CDYL2: variants seen among roughly 807,000 people sequenced by gnomAD.
CDYL2 encodes chromodomain Y like 2, also known as chromodomain Y-like protein 2.
In CDYL2, 23 loss-of-function variants were observed where a neutral mutation model predicts 49.4. That is an observed-to-expected ratio of 0.47 (90% CI 0.34 to 0.66). CDYL2 has a LOEUF of 0.66. CDYL2 is among the 30% of genes least tolerant of loss of function. The pLI is 0.01. For synonymous variants in CDYL2, 360 were observed against 268.8 expected (o/e 1.34, Z -3.32); for missense variants, 678 against 656.4 (o/e 1.03, Z -0.36).
chr16:80,797,568 T>C (rs1907803219), intron 1 of CDYL2, among the ~76,000 whole-genome samples: 1 of 152,178 alleles, frequency 6.6e-6, no homozygotes, highest in South Asian at 2.1e-4. Flanking sequence ...ACCTTTTTTT[T>C]TCCAGCATAC....
chr16:80,651,125 C>T (rs1484095279), intron 2 of CDYL2, among the ~76,000 whole-genome samples: 1 of 152,112 alleles, frequency 6.6e-6, no homozygotes, highest in African/African-American at 2.4e-5. Flanking sequence ...TTGTTTGTAA[C>T]ACAAGGAATA....
At chr16:80,625,781 T>C (rs1173072438) in intron 3 of CDYL2, among the ~76,000 whole-genome samples, 4 of 152,076 alleles carry the variant, frequency 2.6e-5, no homozygotes, top group Non-Finnish European at 4.4e-5. Context: ...AGAAATAAAT[T>C]CCAGAAGGTA....
chr16:80,691,697 G>C (rs1202013677), intron 1 of CDYL2, among the ~76,000 whole-genome samples: 1 of 152,184 alleles, frequency 6.6e-6, no homozygotes, highest in Non-Finnish European at 1.5e-5. Context: ...CACCAGTGAA[G>C]AGTACTACTG....
chr16:80,716,862 TATGGATGGATGGATGACTGG>T (rs1184523945), intron 1 of CDYL2, among the ~76,000 whole-genome samples: 1 of 149,364 alleles, frequency 6.7e-6, no homozygotes, highest in African/African-American at 2.5e-5. Flanking sequence ...GTAATGTATG[TATGGATGGATGGATGACTGG>T]ATGGATGGAT....
chr16:80,731,934 A>G (rs928961096), intron 1 of CDYL2, among the ~76,000 whole-genome samples: 2 of 150,154 alleles, frequency 1.3e-5, no homozygotes, highest in Admixed American at 6.6e-5. Flanking sequence ...AAGGCAAAAG[A>G]TCCCCAAGCT....
chr16:80,616,838 C>A (rs1478125661), intron 4 of CDYL2, among the ~76,000 whole-genome samples: 1 of 152,218 alleles, frequency 6.6e-6, no homozygotes, highest in Non-Finnish European at 1.5e-5. Flanking sequence ...TATTCTTTAT[C>A]CTAGCAACAC....
At chr16:80,638,066 T>C (rs1263672726) in intron 2 of CDYL2, among the ~76,000 whole-genome samples, 5 of 151,228 alleles carry the variant, frequency 3.3e-5, no homozygotes, top group Non-Finnish European at 7.4e-5. Flanking sequence ...TGTTAATGAA[T>C]TGAAAGACTC....
chr16:80,695,269 A>T (rs760204055), intron 1 of CDYL2, among the ~76,000 whole-genome samples: 4 of 152,274 alleles, frequency 2.6e-5, no homozygotes, highest in Admixed American at 1.3e-4. Flanking sequence ...ACTCTGGCCC[A>T]AGAAAAAGTT....
rs142903595 is a variant in CDYL2, at chr16:80,731,781, C to T, written c.25-46652G>A. On this transcript the variant is annotated intron_variant, in intron 1 of 6. Coordinates refer to ENST00000570137, the MANE Select transcript of CDYL2 (RefSeq NM_152342.4). ...CAGGATGAAGACATTTTCAGAAATG[C>T]GAAATCTCTAAAGGTTAACTTTCCA... Among the ~76,000 whole-genome samples the T allele has an allele frequency of 3.3e-5, 5 of 152,128 alleles. No homozygotes were observed. In the East Asian group the frequency reaches 7.7e-4, roughly 24 times the overall value.
At chr16:80,708,900 ATT>A (rs1470062855) in intron 1 of CDYL2, among the ~76,000 whole-genome samples, 1 of 152,202 alleles carries the variant, frequency 6.6e-6, no homozygotes, top group Non-Finnish European at 1.5e-5. Context: ...CATAGAAAAT[ATT>A]TAAAGATATA....
intron 1 of CDYL2, among the ~76,000 whole-genome samples, chr16:80,739,931 A>C (rs987972350): frequency 2.6e-5 from 4 of 152,186 alleles, no homozygotes; most frequent in Non-Finnish European, 2.9e-5. Context: ...CACAAAGCTG[A>C]GTCACGTACA....
chr16:80,613,718 G>A (rs1395713118), intron 4 of CDYL2, among the ~76,000 whole-genome samples: 2 of 152,164 alleles, frequency 1.3e-5, no homozygotes, highest in Admixed American at 6.5e-5. Flanking sequence ...TAGTTGCTAT[G>A]TATGATCTAT....
intron 1 of CDYL2, among the ~76,000 whole-genome samples, chr16:80,716,298 T>C (rs1432245335): frequency 6.6e-6 from 1 of 152,254 alleles, no homozygotes; most frequent in Non-Finnish European, 1.5e-5. Context: ...ACTTGATTAA[T>C]GTGTATCACA....
At position 80,604,374 on chromosome 16, in the gene CDYL2, T is replaced by C; in HGVS notation, c.*14A>G. ...GGCAGAGCTGGAAGTTGGGGGCCCG[T>C]GAGCTGGGGCCCCTCAGACTTCATA... On this transcript the variant is annotated 3_prime_UTR_variant, in exon 7 of 7. Transcript: ENST00000570137. 6.2e-7 allele frequency: 1 copy of C among 1,613,686 alleles called. No homozygotes were observed. Among genetic ancestry groups the C allele is most frequent in the Non-Finnish European group, 8.5e-7 (1 of 1,179,824 alleles).
chr16:80,610,119 G>A lies in CDYL2; in HGVS notation c.1219-1884C>T, dbSNP rs189015771. Among the ~76,000 whole-genome samples the A allele has an allele frequency of 1.2e-3, 182 of 152,258 alleles. 1 individual carries two copies. Among genetic ancestry groups the A allele is most frequent in the African/African-American group, 4.0e-3 (166 of 41,544 alleles). On this transcript the variant is annotated intron_variant, in intron 5 of 6. Transcript: ENST00000570137. ...GATGTTATTTTCAAAACAGAACAAG[G>A]GGGAATATCAAGGAAGGAAAAGGGA...
At chr16:80,722,624 A>G (rs955789438) in intron 1 of CDYL2, among the ~76,000 whole-genome samples, 8 of 152,206 alleles carry the variant, frequency 5.3e-5, no homozygotes, top group Non-Finnish European at 1.0e-4. Context: ...GGATCCAAAA[A>G]GTCAAAGTTG....
chr16:80,745,648 C>G (rs1905902290), intron 1 of CDYL2, among the ~76,000 whole-genome samples: 1 of 152,162 alleles, frequency 6.6e-6, no homozygotes, highest in South Asian at 2.1e-4. Context: ...ATTACTACTA[C>G]CACAAAGAGA....
chr16:80,664,827 G>C (rs1385071493), intron 2 of CDYL2, among the ~76,000 whole-genome samples: 1 of 152,132 alleles, frequency 6.6e-6, no homozygotes, highest in East Asian at 1.9e-4. Flanking sequence ...TTCCATATCC[G>C]TGAAATGGGA....
At chr16:80,714,185 C>CAAGG (rs1204504738) in intron 1 of CDYL2, among the ~76,000 whole-genome samples, 1 of 152,068 alleles carries the variant, frequency 6.6e-6, no homozygotes, top group Non-Finnish European at 1.5e-5. Context: ...CGACCCAGAC[C>CAAGG]CCTTAGCTTG....
Sources: allele counts gnomAD v4.1 joint callset (sites outside exome capture counted in the v4.1 genomes callset), GRCh38; gene constraint gnomAD v4.1.1; transcripts MANE v1.5; gene names NCBI Gene and HGNC (gene_info 2026-07-23, HGNC 2026-07-21).